The following PDE12 variants were observed in gnomAD, a reference collection of about 807,000 sequenced individuals.
The protein encoded by PDE12 is phosphodiesterase 12.
PDE12 carries 26 observed loss-of-function variants against 45.4 expected under a neutral mutation model. The observed-to-expected ratio is 0.57, with a 90% CI of 0.42 to 0.79. The LOEUF (loss-of-function observed/expected upper bound fraction) is 0.79, where lower values mean the gene tolerates loss of function less well. Ranked by LOEUF, PDE12 falls within the 30% of genes least tolerant of loss-of-function variation. The pLI, the probability that PDE12 is intolerant of heterozygous loss-of-function variation, is 0.00. For missense variants in PDE12, 668 were observed against 790.0 expected, an observed-to-expected ratio of 0.85 and a Z score of 1.85; for synonymous variants, 283 against 323.9, an observed-to-expected ratio of 0.87 and a Z score of 1.36.
chr3:57,613,198 C>T, the PDE12 span, among the ~76,000 whole-genome samples: 1 of 151,134 alleles, frequency 6.6e-6, no homozygotes, highest in Non-Finnish European at 1.5e-5. Flanking sequence ...CCAGGCTGGT[C>T]TCAAACTCCT....
chr3:57,647,786 G>A, the PDE12 span, among the ~76,000 whole-genome samples: 1 of 151,482 alleles, frequency 6.6e-6, no homozygotes, highest in African/African-American at 2.4e-5. Flanking sequence ...AGGGGAAGAT[G>A]GCACCCACCT....
At chr3:57,622,010 T>C in the PDE12 span, among the ~76,000 whole-genome samples, 1 of 152,104 alleles carries the variant, frequency 6.6e-6, no homozygotes, top group East Asian at 1.9e-4. Context: ...ACCCCATCTC[T>C]ACTAAAAATA....
At chr3:57,623,512 C>T in the PDE12 span, among the ~76,000 whole-genome samples, 7 of 152,052 alleles carry the variant, frequency 4.6e-5, no homozygotes, top group East Asian at 1.9e-4. Context: ...AACCCCATCT[C>T]GACTAAAAGT....
chr3:57,559,960 C>G lies in PDE12; in HGVS notation c.1786C>G (p.Pro596Ala). The change falls in exon 3 of 3, where the codon CCC becomes GCC. Residue 596 changes from proline (P) to alanine (A), a missense_variant. Transcript: ENST00000311180. ...CCAGGCCTTACCTAGTGTTTCCCATCCCTCTGATCACATAGCACTTGTATG... is the reference window on the plus strand; with the variant it reads ...CCAGGCCTTACCTAGTGTTTCCCATGCCTCTGATCACATAGCACTTGTATG... ...THQALPSVSH[P>A]SDHIALVCDL... The G allele has an allele frequency of 6.2e-7, 1 of 1,612,294 alleles. No homozygotes were observed. The highest frequency in any genetic ancestry group is 2.2e-5 in the East Asian group (1 of 44,878).
At chr3:57,641,514 A>T in the PDE12 span, 2 of 506,988 alleles carry the variant, frequency 3.9e-6, no homozygotes, top group East Asian at 3.4e-5. Context: ...TTTAGTGGGA[A>T]ATTAGCAGGA....
chr3:57,590,367 T>C, the PDE12 span, among the ~76,000 whole-genome samples: 1 of 150,778 alleles, frequency 6.6e-6, no homozygotes, highest in South Asian at 2.1e-4. Flanking sequence ...GTGCCTGTAA[T>C]CCCAGCTACT....
the PDE12 span, among the ~76,000 whole-genome samples, chr3:57,639,670 T>TC: frequency 6.6e-6 from 1 of 152,150 alleles, no homozygotes; most frequent in African/African-American, 2.4e-5. Context: ...GTACCATGCA[T>TC]CAGGCACTGT....
chr3:57,654,021 C>T, the PDE12 span, among the ~76,000 whole-genome samples: 1 of 141,882 alleles, frequency 7.0e-6, no homozygotes, highest in African/African-American at 2.6e-5. Context: ...GATCTCAGCT[C>T]ACTGCAAGCT....
downstream of PDE12, among the ~76,000 whole-genome samples, chr3:57,570,588 A>G (rs571175594): frequency 3.4e-4 from 52 of 152,224 alleles, 1 homozygote; most frequent in South Asian, 9.9e-3. Flanking sequence ...GGAATTTTCA[A>G]TCCATAAATT....
At chr3:57,628,781 A>G in the PDE12 span, 3 of 1,599,920 alleles carry the variant, frequency 1.9e-6, no homozygotes, top group Non-Finnish European at 2.6e-6. Flanking sequence ...AGAAAAGTCA[A>G]TTTAATCTTT....
the PDE12 span, among the ~76,000 whole-genome samples, chr3:57,650,107 G>A: frequency 6.6e-6 from 1 of 152,028 alleles, no homozygotes; most frequent in South Asian, 2.1e-4. Context: ...AAAGACATAA[G>A]AATGATACTA....
chr3:57,626,893 C>G, the PDE12 span: 1 of 152,350 alleles, frequency 6.6e-6, no homozygotes, highest in Non-Finnish European at 1.5e-5. Context: ...CCATGTCAAA[C>G]AATAGTAGGA....
the PDE12 span, chr3:57,630,380 C>T: frequency 1.3e-6 from 2 of 1,494,874 alleles, no homozygotes; most frequent in Non-Finnish European, 9.0e-7. Context: ...TCTTTATTTT[C>T]AACAGTTGTT....
the PDE12 span, chr3:57,627,995 G>A: frequency 1.4e-5 from 7 of 498,294 alleles, no homozygotes; most frequent in Non-Finnish European, 2.3e-5. Flanking sequence ...ATGCCTTTCG[G>A]TGTTTCAGTA....
Position 57,556,615 on chromosome 3 carries a change from C to T in PDE12, c.236C>T (p.Ala79Val). The T allele has an allele frequency of 6.2e-7, 1 of 1,611,772 alleles. No homozygotes were observed. Among genetic ancestry groups the T allele is most frequent in the Non-Finnish European group, 8.5e-7 (1 of 1,178,816 alleles). The change falls in exon 1 of 3, where the codon GCT becomes GTT. Residue 79 changes from alanine to valine, a missense_variant. Coordinates refer to ENST00000311180, the MANE Select transcript of PDE12 (RefSeq NM_177966.7). The surrounding 1 kb of genome is among the most constrained non-coding windows in gnomAD (Gnocchi z 5.0). ...EPLGRVLSRI[A>V]TNALKGHAKA... ...CTGGGTCGAGTCCTCAGCCGCATCGCTACCAATGCCCTAAAGGGTCACGCT... is the reference window on the plus strand; with the variant it reads ...CTGGGTCGAGTCCTCAGCCGCATCGTTACCAATGCCCTAAAGGGTCACGCT...
the PDE12 span, among the ~76,000 whole-genome samples, chr3:57,645,494 C>T: frequency 4.6e-5 from 7 of 151,974 alleles, no homozygotes; most frequent in African/African-American, 1.5e-4. Context: ...TACATAAAAT[C>T]GCTCAAATAA....
chr3:57,647,946 T>C, the PDE12 span, among the ~76,000 whole-genome samples: 3 of 151,838 alleles, frequency 2.0e-5, no homozygotes, highest in Non-Finnish European at 4.4e-5. Flanking sequence ...GTGTAGAATG[T>C]CAGGGCCCAG....
chr3:57,557,214 T>G lies in PDE12; in HGVS notation c.835T>G (p.Phe279Val), dbSNP rs1194506164. The stretch of plus-strand genomic sequence containing the variant: ...AGAGGCTGGGCCTGGCACCTGCACT[T>G]TTGACCACCGGCATCTCTACACGAA... ...VVEAGPGTCT[F>V]DHRHLYTKKV... Residue 279 changes from phenylalanine (F) to valine (V), a missense_variant, in exon 1 of 3, where the codon TTT becomes GTT. By Grantham distance (50) the Phe-to-Val change is conservative (BLOSUM62 -1). This residue lies in a region of PDE12 where 580 missense variants were observed against 662.9 expected (regional missense o/e 0.87). Coordinates refer to ENST00000311180, the MANE Select transcript of PDE12 (RefSeq NM_177966.7). 1.2e-6 allele frequency: 2 copies of G among 1,606,484 alleles called. No homozygotes were observed.
At chr3:57,597,083 T>G in the PDE12 span, 1 of 1,613,862 alleles carries the variant, frequency 6.2e-7, no homozygotes, top group African/African-American at 1.3e-5. Flanking sequence ...CCCATCAAAA[T>G]GCGCATCTGC....
Sources: allele counts gnomAD v4.1 joint callset (sites outside exome capture counted in the v4.1 genomes callset), GRCh38; gene constraint gnomAD v4.1.1; regional missense constraint gnomAD v4.1.1; non-coding constraint Gnocchi (gnomAD v3.1); transcripts MANE v1.5; gene names NCBI Gene and HGNC (gene_info 2026-07-23, HGNC 2026-07-21).